The following EYS variants were observed in gnomAD, a reference collection of about 807,000 sequenced individuals.
EYS encodes the protein protein eyes shut homolog.
In EYS, 250 loss-of-function variants were observed where a neutral mutation model predicts 282.1. The ratio of observed to expected loss-of-function variants is 0.89; its 90% confidence interval spans 0.80 to 0.98. EYS has a LOEUF of 0.98. Ranked by LOEUF, EYS falls within the 50% of genes least tolerant of loss-of-function variation. EYS has a pLI of 0.00. For synonymous variants in EYS, 1,355 were observed against 1,282.9 expected, an observed-to-expected ratio of 1.06 and a Z score of -1.20; for missense variants, 4,016 against 3,709.0, an observed-to-expected ratio of 1.08 and a Z score of -2.15.
At chr6:64,429,047 T>C (rs1160553297) in intron 28 of EYS, among the ~76,000 whole-genome samples, 1 of 152,016 alleles carries the variant, frequency 6.6e-6, no homozygotes, top group Non-Finnish European at 1.5e-5. Flanking sequence ...CAGCTGAACT[T>C]CCACAGAATA....
At chr6:64,694,314 A>C (rs556339762) in intron 22 of EYS, among the ~76,000 whole-genome samples, 1 of 152,214 alleles carries the variant, frequency 6.6e-6, no homozygotes, top group Non-Finnish European at 1.5e-5. Flanking sequence ...GCTTTTAAAA[A>C]TAAGGCAGAA....
intron 26 of EYS, among the ~76,000 whole-genome samples, chr6:64,485,013 A>G (rs1776540885): frequency 6.6e-6 from 1 of 151,670 alleles, no homozygotes; most frequent in Non-Finnish European, 1.5e-5. Flanking sequence ...ATTGAACAGT[A>G]GATGCTTGTG....
intron 12 of EYS, among the ~76,000 whole-genome samples, chr6:65,249,137 G>A (rs1158016725): frequency 6.7e-6 from 1 of 149,486 alleles, no homozygotes; most frequent in Admixed American, 6.7e-5. Context: ...TAAGAACAAA[G>A]TATAAAAGAA....
chr6:65,603,321 A>G (rs1157569668), intron 2 of EYS, among the ~76,000 whole-genome samples: 1 of 151,932 alleles, frequency 6.6e-6, no homozygotes. Flanking sequence ...CAAAAACAAA[A>G]AAGATTCACA....
intron 30 of EYS, among the ~76,000 whole-genome samples, chr6:64,305,847 C>A (rs943813132): frequency 6.6e-6 from 1 of 151,944 alleles, no homozygotes; most frequent in South Asian, 2.1e-4. Flanking sequence ...GATATGACAC[C>A]AAATGCACAG....
In EYS at chr6:64,591,973, G is replaced by A. The variant is rs1480901160; in HGVS notation, c.3894C>T (p.Gly1298=). 6.7e-6 allele frequency: 10 copies of A among 1,493,450 alleles called. No individual in the cohort carries two copies. Among genetic ancestry groups the A allele is most frequent in the South Asian group, 2.7e-5 (2 of 74,874 alleles). The allele number at this position is 1,493,450 out of a possible 1,614,324, so 92.5% of individuals were successfully genotyped here. The change falls in exon 26 of 43, where the codon GGC becomes GGT. Residue 1298 remains glycine (G), a synonymous_variant. Coordinates refer to ENST00000503581, the MANE Select transcript of EYS (RefSeq NM_001142800.2). The part of the protein sequence containing the change: ...YPVDQGPKQT[G]IVKHDILPTT... ...TTGGGAGAATGTCGTGCTTGACAAT[G>A]CCTGTCTGTTTTGGACCTACAAAAA... is the stretch of plus-strand genomic sequence containing the variant.
intron 5 of EYS, among the ~76,000 whole-genome samples, chr6:65,424,020 T>C (rs1046883575): frequency 6.6e-5 from 10 of 151,972 alleles, no homozygotes; most frequent in African/African-American, 2.4e-4. Flanking sequence ...AGTCTAACTT[T>C]AATCCTAGCT....
chr6:64,127,249 A>C (rs573227350), intron 31 of EYS, among the ~76,000 whole-genome samples: 24 of 152,318 alleles, frequency 1.6e-4, no homozygotes, highest in African/African-American at 5.5e-4. Flanking sequence ...GGAAGGAAAA[A>C]GAATCTCACT....
intron 12 of EYS, among the ~76,000 whole-genome samples, chr6:65,256,350 T>C (rs1254081732): frequency 1.4e-5 from 2 of 141,984 alleles, no homozygotes; most frequent in Non-Finnish European, 3.0e-5. Flanking sequence ...ACATGTGCCA[T>C]GCTGGTGTGC....
chr6:64,017,955 C>T (rs948972309), intron 33 of EYS, among the ~76,000 whole-genome samples: 2 of 152,018 alleles, frequency 1.3e-5, no homozygotes, highest in Non-Finnish European at 2.9e-5. Context: ...GCCCAATGTT[C>T]GATTATTTTG....
chr6:65,133,647 A>G (rs2150203994), intron 12 of EYS, among the ~76,000 whole-genome samples: 1 of 152,228 alleles, frequency 6.6e-6, no homozygotes, highest in African/African-American at 2.4e-5. Flanking sequence ...ACTTAAATGT[A>G]AAACCTAAAA....
At chr6:65,630,171 A>G (rs917623295) in intron 2 of EYS, among the ~76,000 whole-genome samples, 1 of 152,212 alleles carries the variant, frequency 6.6e-6, no homozygotes, top group African/African-American at 2.4e-5. Context: ...TGTTCTTCCC[A>G]TGTCAAAATG....
chr6:64,508,811 C>T (rs1777294430), intron 26 of EYS, among the ~76,000 whole-genome samples: 2 of 151,886 alleles, frequency 1.3e-5, no homozygotes. Flanking sequence ...AACCTTTGGT[C>T]TCATCAGTTT....
chr6:64,674,960 T>G, intron 22 of EYS, among the ~76,000 whole-genome samples: 1 of 152,176 alleles, frequency 6.6e-6, no homozygotes, highest in East Asian at 1.9e-4. Flanking sequence ...CTCAAAAGTT[T>G]ATGACACTCC....
chr6:65,211,066 G>A (rs912795802), intron 12 of EYS, among the ~76,000 whole-genome samples: 12 of 151,882 alleles, frequency 7.9e-5, no homozygotes, highest in African/African-American at 2.9e-4. Flanking sequence ...AATGTAAAAT[G>A]GGGAAGTGTT....
chr6:64,545,874 A>G (rs1764844704), intron 26 of EYS, among the ~76,000 whole-genome samples: 1 of 152,190 alleles, frequency 6.6e-6, no homozygotes, highest in Non-Finnish European at 1.5e-5. Flanking sequence ...ATAAAAGAGG[A>G]TACAAACAAA....
intron 5 of EYS, among the ~76,000 whole-genome samples, chr6:65,478,306 A>G (rs1765481663): frequency 6.6e-6 from 1 of 152,188 alleles, no homozygotes. Flanking sequence ...AAATGCTTAT[A>G]AAAGTAGATA....
At chr6:63,947,516 A>C (rs192668492) in intron 35 of EYS, among the ~76,000 whole-genome samples, 1 of 152,282 alleles carries the variant, frequency 6.6e-6, no homozygotes, top group East Asian at 1.9e-4. Flanking sequence ...TACTCTTTAT[A>C]GAAAAAAGAT....
intron 22 of EYS, among the ~76,000 whole-genome samples, chr6:64,649,999 C>T (rs1768500915): frequency 6.6e-6 from 1 of 151,826 alleles, no homozygotes; most frequent in South Asian, 2.1e-4. Context: ...TCATTTAGAA[C>T]AAATTTTAAA....
Sources: allele counts gnomAD v4.1 joint callset (sites outside exome capture counted in the v4.1 genomes callset), GRCh38; gene constraint gnomAD v4.1.1; transcripts MANE v1.5; gene names NCBI Gene and HGNC (gene_info 2026-07-23, HGNC 2026-07-21).